The following RGS3 variants were observed in gnomAD, a reference collection of about 807,000 sequenced individuals.
RGS3 encodes the protein regulator of G-protein signalling 3.
In RGS3, 80 loss-of-function variants were observed where a neutral mutation model predicts 132.6. The ratio of observed to expected loss-of-function variants is 0.60; its 90% CI spans 0.50 to 0.73. RGS3 has a LOEUF of 0.73. Among genes scored for constraint, RGS3 ranks in the 30% least tolerant of loss-of-function variants. RGS3 has a pLI of 0.00. For missense variants in RGS3, 1,382 were observed against 1,530.8 expected (o/e 0.90, Z 1.62); for synonymous variants, 598 against 620.6 (o/e 0.96, Z 0.54).
intron 14 of RGS3, among the ~76,000 whole-genome samples, chr9:113,513,456 G>A (rs1200905369): frequency 6.6e-6 from 1 of 152,176 alleles, no homozygotes; most frequent in Non-Finnish European, 1.5e-5. Context: ...AGAGTCCTAT[G>A]GGGCACCTGA....
intron 20 of RGS3, among the ~76,000 whole-genome samples, chr9:113,584,745 G>A (rs1232684921): frequency 2.0e-5 from 3 of 152,250 alleles, no homozygotes; most frequent in Non-Finnish European, 4.4e-5. Flanking sequence ...GATAGTAGCT[G>A]GAGAAATAGA....
intron 19 of RGS3, among the ~76,000 whole-genome samples, chr9:113,539,676 G>A (rs150896231): frequency 1.3e-5 from 2 of 152,142 alleles, no homozygotes; most frequent in African/African-American, 2.4e-5. Context: ...TGGGAAAAGG[G>A]GGTTTGTAAG....
chr9:113,529,072 A>G lies in RGS3; in HGVS notation c.1871-149A>G, dbSNP rs536281108. 29 of 684,676 alleles carry G rather than the reference A, an allele frequency of 4.2e-5. No homozygotes were observed. In the South Asian group the frequency reaches 4.7e-4, roughly 11 times the overall value. The allele number at this position is 684,676 out of a possible 1,614,324, so 42.4% of individuals were successfully genotyped here. A position where few individuals can be genotyped will look rare whatever the true frequency, so the allele number is the denominator to read the frequency against. ...AGTTACGTAGCCAATTTTCCTCCAGAGACTTCCCTGCCTCCCATGCCTGCC... is the reference window on the plus strand; with the variant it reads ...AGTTACGTAGCCAATTTTCCTCCAGGGACTTCCCTGCCTCCCATGCCTGCC... On this transcript the variant is annotated intron_variant, in intron 17 of 24. Transcript: ENST00000350696.
chr9:113,457,379 A>G (rs547765266), upstream of RGS3, among the ~76,000 whole-genome samples: 1 of 152,276 alleles, frequency 6.6e-6, no homozygotes, highest in Non-Finnish European at 1.5e-5. Context: ...ATGTTATTCT[A>G]TGCTTCCAGA....
At chr9:113,504,236 T>C (rs1206962834) in intron 10 of RGS3, among the ~76,000 whole-genome samples, 1 of 152,192 alleles carries the variant, frequency 6.6e-6, no homozygotes, top group Non-Finnish European at 1.5e-5. Flanking sequence ...TGACAAGGCT[T>C]GTGCCCTTGA....
At chr9:113,570,576 G>A (rs1834240057) in intron 19 of RGS3, among the ~76,000 whole-genome samples, 1 of 152,076 alleles carries the variant, frequency 6.6e-6, no homozygotes, top group African/African-American at 2.4e-5. Flanking sequence ...TCAAGAAATA[G>A]AACATTCTGG....
At chr9:113,596,989 C>A in exon 25 of RGS3, 3 of 1,545,534 alleles carry the variant, frequency 1.9e-6, no homozygotes, top group Middle Eastern at 1.7e-4. Flanking sequence ...TCACACCAGG[C>A]GGGCTGGGTC....
At chr9:113,516,516 C>A (rs933612321) in intron 15 of RGS3, among the ~76,000 whole-genome samples, 1 of 151,350 alleles carries the variant, frequency 6.6e-6, no homozygotes, top group Non-Finnish European at 1.5e-5. Context: ...CACGACCATG[C>A]CTGGCTAGTT....
chr9:113,465,141 T>A (rs1466358551), intron 3 of RGS3, among the ~76,000 whole-genome samples: 2 of 152,152 alleles, frequency 1.3e-5, no homozygotes, highest in Non-Finnish European at 2.9e-5. Context: ...GCTAACCCCA[T>A]TGGGATGCAG....
chr9:113,457,225 C>T (rs1484380206), upstream of RGS3, among the ~76,000 whole-genome samples: 1 of 152,176 alleles, frequency 6.6e-6, no homozygotes, highest in African/African-American at 2.4e-5. Flanking sequence ...ACTTTCTGGC[C>T]TTTACATGTT....
At chr9:113,514,054 G>A (rs902837715) in intron 14 of RGS3, among the ~76,000 whole-genome samples, 5 of 152,196 alleles carry the variant, frequency 3.3e-5, no homozygotes, top group Admixed American at 6.5e-5. Flanking sequence ...ATTGTTCCAC[G>A]TGGGACTGTG....
chr9:113,535,031 A>G (rs1053016153), intron 18 of RGS3, among the ~76,000 whole-genome samples: 3 of 152,192 alleles, frequency 2.0e-5, no homozygotes, highest in Admixed American at 6.5e-5. Context: ...ATAAATAACA[A>G]ATATTATTGT....
intron 20 of RGS3, among the ~76,000 whole-genome samples, chr9:113,584,764 C>G (rs576421711): frequency 6.6e-6 from 1 of 152,362 alleles, no homozygotes; most frequent in South Asian, 2.1e-4. Context: ...GAGTTACAGC[C>G]TAGCCAGACT....
chr9:113,588,993 T>C (rs1391861965), intron 20 of RGS3: 3 of 152,268 alleles, frequency 2.0e-5, no homozygotes, highest in Non-Finnish European at 4.4e-5. Context: ...ATAATTATTG[T>C]TCCAAGAGGT....
At chr9:113,564,582 T>C (rs1180245871) in intron 19 of RGS3, among the ~76,000 whole-genome samples, 1 of 152,176 alleles carries the variant, frequency 6.6e-6, no homozygotes, top group East Asian at 1.9e-4. Context: ...GTCCAGGGCT[T>C]GTTCCACTGC....
At chr9:113,572,439 C>T (rs1564588733) in intron 19 of RGS3, among the ~76,000 whole-genome samples, 1 of 151,930 alleles carries the variant, frequency 6.6e-6, no homozygotes, top group Non-Finnish European at 1.5e-5. Flanking sequence ...GGGAGGGTGA[C>T]CTTCGGCCAC....
chr9:113,462,014 C>G (rs1464582835), intron 2 of RGS3: 2 of 1,612,502 alleles, frequency 1.2e-6, no homozygotes, highest in African/African-American at 2.7e-5. Flanking sequence ...CCATCTTGCT[C>G]CTGCAGGTCT....
chr9:113,453,089 A>T (rs1245996134), intron 1 of RGS3, among the ~76,000 whole-genome samples: 1 of 135,518 alleles, frequency 7.4e-6, no homozygotes, highest in Non-Finnish European at 1.5e-5. Flanking sequence ...ATAATATAGA[A>T]ATATATTTTA....
chr9:113,544,276 C>CAA (rs545343695), intron 19 of RGS3, among the ~76,000 whole-genome samples: 11 of 151,454 alleles, frequency 7.3e-5, no homozygotes, highest in Non-Finnish European at 1.3e-4. Context: ...CACACACCCC[C>CAA]GACCCTCTGA....
Sources: gnomAD v4.1 joint callset for allele counts (sites outside exome capture counted in the v4.1 genomes callset) on GRCh38, gnomAD v4.1.1 for gene constraint, MANE v1.5 for transcripts, NCBI Gene and HGNC (gene_info 2026-07-23, HGNC 2026-07-21) for gene names.